ZFHX3: variants seen among roughly 807,000 people sequenced by gnomAD.
ZFHX3 encodes zinc finger homeobox protein 3.
Under a neutral mutation model 279.1 loss-of-function variants are expected in ZFHX3, and 42 were observed. That is an observed-to-expected ratio of 0.15 (90% CI 0.12 to 0.19). The LOEUF (loss-of-function observed/expected upper bound fraction) is 0.19. Among genes scored for constraint, ZFHX3 ranks in the 10% least tolerant of loss-of-function variants. ZFHX3 has a pLI of 1.00. For synonymous variants in ZFHX3, 2,293 were observed against 1,957.8 expected, an observed-to-expected ratio of 1.17 and a Z score of -4.52; for missense variants, 4,981 against 4,754.0, an observed-to-expected ratio of 1.05 and a Z score of -1.40.
chr16:73,275,334 T>C (rs2014265846), intron 4 of ZFHX3, among the ~76,000 whole-genome samples: 1 of 152,124 alleles, frequency 6.6e-6, no homozygotes, highest in South Asian at 2.1e-4. Context: ...AATCTGTGTG[T>C]CTGTATTTCC....
intron 2 of ZFHX3, among the ~76,000 whole-genome samples, chr16:73,620,802 A>G (rs945710067): frequency 2.0e-5 from 3 of 152,264 alleles, no homozygotes; most frequent in African/African-American, 7.2e-5. Flanking sequence ...AATCAAGAAT[A>G]AACATTTCAA....
intron 5 of ZFHX3, among the ~76,000 whole-genome samples, chr16:73,196,286 G>A (rs1968148414): frequency 6.6e-6 from 1 of 151,818 alleles, no homozygotes; most frequent in Non-Finnish European, 1.5e-5. Flanking sequence ...CTTCCTCCTT[G>A]GGGTGGTGGG....
intron 1 of ZFHX3, among the ~76,000 whole-genome samples, chr16:73,744,760 A>G (rs1055047846): frequency 6.6e-6 from 1 of 152,170 alleles, no homozygotes; most frequent in Admixed American, 6.6e-5. Context: ...CAGCTTTTGC[A>G]TTCTGAATAT....
chr16:73,105,312 T>A (rs1459954699), intron 7 of ZFHX3, among the ~76,000 whole-genome samples: 1 of 144,248 alleles, frequency 6.9e-6, no homozygotes, highest in Non-Finnish European at 1.5e-5. Context: ...TACATATATA[T>A]ACACACACAT....
intron 3 of ZFHX3, among the ~76,000 whole-genome samples, chr16:73,340,269 A>C (rs988973602): frequency 2.6e-5 from 4 of 152,242 alleles, no homozygotes; most frequent in Admixed American, 2.6e-4. Flanking sequence ...GGAATAGAGC[A>C]GACAGTCTGG....
intron 3 of ZFHX3, among the ~76,000 whole-genome samples, chr16:73,390,750 C>T (rs1041716654): frequency 2.4e-4 from 37 of 151,976 alleles, no homozygotes; most frequent in African/African-American, 8.7e-4. Context: ...TTTCTTTCAT[C>T]AATGAAAGGA....
chr16:73,863,302 G>T (rs181289107), intron 1 of ZFHX3, among the ~76,000 whole-genome samples: 1 of 152,306 alleles, frequency 6.6e-6, no homozygotes, highest in African/African-American at 2.4e-5. Flanking sequence ...TAGGCAATGG[G>T]CATAAAGAGT....
At chr16:73,228,104 A>C (rs545199647) in intron 5 of ZFHX3, among the ~76,000 whole-genome samples, 1 of 152,312 alleles carries the variant, frequency 6.6e-6, no homozygotes, top group Non-Finnish European at 1.5e-5. Flanking sequence ...AAAGCCAGGC[A>C]GTCTGGCTCC....
chr16:73,519,104 C>T (rs1035813236), intron 2 of ZFHX3, among the ~76,000 whole-genome samples: 1 of 152,158 alleles, frequency 6.6e-6, no homozygotes, highest in Non-Finnish European at 1.5e-5. Flanking sequence ...GGGAGATCTG[C>T]TGAATTCCAG....
chr16:72,869,841 G>A (rs1013485021), intron 4 of ZFHX3, among the ~76,000 whole-genome samples: 10 of 152,134 alleles, frequency 6.6e-5, no homozygotes, highest in Admixed American at 3.3e-4. Context: ...ACTTCAGAAT[G>A]GATAACCCCA....
At chr16:73,084,117 G>T (rs1255448784) in intron 8 of ZFHX3, among the ~76,000 whole-genome samples, 1 of 152,148 alleles carries the variant, frequency 6.6e-6, no homozygotes, top group African/African-American at 2.4e-5. Flanking sequence ...GAATTATCTG[G>T]CTCAAAATGC....
intron 5 of ZFHX3, among the ~76,000 whole-genome samples, chr16:73,177,820 C>T (rs1340596867): frequency 2.0e-5 from 3 of 152,330 alleles, no homozygotes; most frequent in Non-Finnish European, 4.4e-5. Flanking sequence ...AGGAGACAGA[C>T]ATATGAGCTC....
intron 7 of ZFHX3, among the ~76,000 whole-genome samples, chr16:72,801,585 G>C (rs1266691990): frequency 6.6e-6 from 1 of 152,132 alleles, no homozygotes; most frequent in African/African-American, 2.4e-5. Context: ...GTAAGCAACA[G>C]GTACCATGGA....
At chr16:73,621,293 G>A (rs910580121) in intron 2 of ZFHX3, among the ~76,000 whole-genome samples, 1 of 152,072 alleles carries the variant, frequency 6.6e-6, no homozygotes, top group Non-Finnish European at 1.5e-5. Flanking sequence ...TCTAGGTCTC[G>A]ATAAAATGCT....
chr16:72,957,644 T>A lies in ZFHX3; in HGVS notation c.2502A>T (p.Leu834Phe), dbSNP rs547798435. The change falls in exon 2 of 10, where the codon TTA (leucine) becomes TTT (phenylalanine). Residue 834 changes from leucine (L) to phenylalanine (F), a missense_variant. By Grantham distance (22) the Leu-to-Phe change is conservative. Transcript: ENST00000268489. ...GGATCTGGGTCATGTTCTGTTGCAGTAACATCATGTTATGCATGTGCTTCT... is the reference window on the plus strand; with the variant it reads ...GGATCTGGGTCATGTTCTGTTGCAGAAACATCATGTTATGCATGTGCTTCT... The part of the protein sequence containing the change: ...TSEKHMHNMM[L>F]LQQNMTQIQH... 1 of 1,614,196 alleles carries A rather than the reference T, an allele frequency of 6.2e-7. No individual in the cohort carries two copies. The highest frequency in any genetic ancestry group is 1.1e-5 in the South Asian group (1 of 91,080).
intron 3 of ZFHX3, among the ~76,000 whole-genome samples, chr16:73,377,997 C>T (rs1357270299): frequency 7.9e-6 from 1 of 125,954 alleles, no homozygotes; most frequent in Admixed American, 9.6e-5. Flanking sequence ...TGCACCACTG[C>T]ACTCCAGCCT....
chr16:73,759,393 AT>A (rs199559045), intron 1 of ZFHX3, among the ~76,000 whole-genome samples: 1,943 of 152,246 alleles, frequency 0.013, 23 homozygotes, highest in Non-Finnish European at 0.022. Flanking sequence ...TATCACTTCT[AT>A]TCACATTTTA....
chr16:73,679,147 A>G (rs1446611161), intron 2 of ZFHX3, among the ~76,000 whole-genome samples: 1 of 151,900 alleles, frequency 6.6e-6, no homozygotes, highest in Non-Finnish European at 1.5e-5. Context: ...TTTAATGGAA[A>G]CCAGCTCTCA....
At chr16:73,757,810 C>T (rs1262036456) in intron 1 of ZFHX3, among the ~76,000 whole-genome samples, 1 of 152,160 alleles carries the variant, frequency 6.6e-6, no homozygotes, top group Non-Finnish European at 1.5e-5. Flanking sequence ...ATGTGACAAC[C>T]TTTATCCGCT....
Sources: allele counts gnomAD v4.1 joint callset (sites outside exome capture counted in the v4.1 genomes callset), GRCh38; gene constraint gnomAD v4.1.1; transcripts MANE v1.5; gene names NCBI Gene and HGNC (gene_info 2026-07-23, HGNC 2026-07-21).